Variants in BAZ2B observed in about 807,000 individuals in gnomAD.
BAZ2B encodes the protein bromodomain adjacent to zinc finger domain protein 2B.
Under a neutral mutation model 246.0 loss-of-function variants are expected in BAZ2B, and 91 were observed. The observed-to-expected ratio is 0.37, with a 90% CI of 0.31 to 0.44. BAZ2B has a LOEUF of 0.44. BAZ2B is among the 20% of genes least tolerant of loss of function. The probability of loss-of-function intolerance (pLI) is 1.00; values close to 1 mark genes in which losing one functional copy is unlikely to be tolerated. For synonymous variants in BAZ2B, 855 were observed against 860.0 expected (o/e 0.99, Z 0.10); for missense variants, 2,332 against 2,533.7 (o/e 0.92, Z 1.71).
chr2:159,375,387 A>G (rs542987856), intron 25 of BAZ2B, among the ~76,000 whole-genome samples: 1 of 152,332 alleles, frequency 6.6e-6, no homozygotes, highest in Admixed American at 6.5e-5. Context: ...TTAGCTACTA[A>G]AGAATGGTTA....
chr2:159,574,645 TAAAC>T (rs1684856785), intron 1 of BAZ2B, among the ~76,000 whole-genome samples: 1 of 152,128 alleles, frequency 6.6e-6, no homozygotes, highest in African/African-American at 2.4e-5. Flanking sequence ...AATAAATGGA[TAAAC>T]AAAATATGAC....
chr2:159,604,945 T>TGTGTGTGTGTGTGCGC (rs1346947558), intron 1 of BAZ2B, among the ~76,000 whole-genome samples: 8 of 130,002 alleles, frequency 6.2e-5, no homozygotes, highest in African/African-American at 2.1e-4. Context: ...TGTGTGTGTG[T>TGTGTGTGTGTGTGCGC]GTGTGTGCGC....
At chr2:159,538,129 T>C (rs1559723142) in intron 2 of BAZ2B, among the ~76,000 whole-genome samples, 1 of 152,190 alleles carries the variant, frequency 6.6e-6, no homozygotes, top group Non-Finnish European at 1.5e-5. Flanking sequence ...CTCTGGTTGC[T>C]GAGACTACAG....
chr2:159,407,225 A>C (rs1045859889), intron 14 of BAZ2B, among the ~76,000 whole-genome samples: 2 of 151,940 alleles, frequency 1.3e-5, no homozygotes, highest in East Asian at 3.9e-4. Flanking sequence ...TAATCCCAGC[A>C]CTTTGGGAGG....
At chr2:159,514,860 C>G (rs2083273049) in intron 2 of BAZ2B, among the ~76,000 whole-genome samples, 1 of 152,022 alleles carries the variant, frequency 6.6e-6, no homozygotes, top group Non-Finnish European at 1.5e-5. Flanking sequence ...AATAGAGGCA[C>G]TATTATAACT....
In BAZ2B at chr2:159,581,252, G is replaced by A. The variant is rs183662034; in HGVS notation, c.-45-25387C>T. ...AAAAATCAAACCACCACGTCAAAAA[G>A]TGGACAAAGGATACGAACAGACACT... On this transcript the variant is annotated intron_variant, in intron 1 of 36. Coordinates refer to ENST00000392783, the MANE Select transcript of BAZ2B (RefSeq NM_013450.4). Among the ~76,000 whole-genome samples, 57 of 152,212 alleles carry A rather than the reference G, an allele frequency of 3.7e-4. No individual in the cohort carries two copies. In the East Asian group the frequency reaches 0.011, roughly 29 times the overall value.
At chr2:159,497,263 G>T (rs2151074138) in intron 2 of BAZ2B, among the ~76,000 whole-genome samples, 1 of 152,222 alleles carries the variant, frequency 6.6e-6, no homozygotes, top group East Asian at 1.9e-4. Flanking sequence ...CTACCAGGAA[G>T]AAAAAAGATC....
chr2:159,630,527 T>C, the BAZ2B span, among the ~76,000 whole-genome samples: 2 of 142,794 alleles, frequency 1.4e-5, no homozygotes, highest in African/African-American at 5.4e-5. Context: ...TCACTAACCG[T>C]ATTCTTCTCT....
the BAZ2B span, among the ~76,000 whole-genome samples, chr2:159,666,693 T>C: frequency 6.6e-6 from 1 of 152,034 alleles, no homozygotes; most frequent in African/African-American, 2.4e-5. Context: ...CCGTCTCTAC[T>C]AAAACACAAA....
At chr2:159,452,629 G>A (rs574388103) in intron 4 of BAZ2B, among the ~76,000 whole-genome samples, 1 of 152,142 alleles carries the variant, frequency 6.6e-6, no homozygotes, top group African/African-American at 2.4e-5. Flanking sequence ...TTAATCTATA[G>A]AAAATACATA....
intron 2 of BAZ2B, among the ~76,000 whole-genome samples, chr2:159,515,938 A>G (rs943969429): frequency 1.1e-4 from 16 of 152,086 alleles, no homozygotes; most frequent in Non-Finnish European, 2.1e-4. Flanking sequence ...TTTTTACTAC[A>G]TAAGTTATTT....
intron 1 of BAZ2B, among the ~76,000 whole-genome samples, chr2:159,569,514 C>G (rs1444911683): frequency 6.6e-6 from 1 of 152,096 alleles, no homozygotes; most frequent in Non-Finnish European, 1.5e-5. Context: ...TAAAAAGATA[C>G]AAATATAATA....
chr2:159,502,876 C>CA (rs2151120959), intron 2 of BAZ2B, among the ~76,000 whole-genome samples: 2 of 152,282 alleles, frequency 1.3e-5, no homozygotes, highest in South Asian at 4.1e-4. Context: ...AGTAATCTTG[C>CA]ACCTCCACAT....
chr2:159,666,138 C>T, the BAZ2B span, among the ~76,000 whole-genome samples: 1 of 151,794 alleles, frequency 6.6e-6, no homozygotes, highest in South Asian at 2.1e-4. Context: ...TATATATTTA[C>T]AATATTGTTC....
chr2:159,674,939 A>T, the BAZ2B span, among the ~76,000 whole-genome samples: 1 of 152,238 alleles, frequency 6.6e-6, no homozygotes, highest in Non-Finnish European at 1.5e-5. Context: ...TGTTTGTAAT[A>T]ACATTGGAGC....
the BAZ2B span, among the ~76,000 whole-genome samples, chr2:159,700,539 G>A: frequency 3.9e-5 from 6 of 152,122 alleles, no homozygotes; most frequent in African/African-American, 1.2e-4. Flanking sequence ...TCCGCCTCCC[G>A]GGTTCCAGTG....
upstream of BAZ2B, among the ~76,000 whole-genome samples, chr2:159,618,739 T>C (rs911814898): frequency 3.3e-5 from 5 of 152,128 alleles, no homozygotes; most frequent in African/African-American, 1.2e-4. Flanking sequence ...GTTGAAAATA[T>C]TTAATTTTGA....
chr2:159,542,986 G>A (rs1455829540), intron 2 of BAZ2B, among the ~76,000 whole-genome samples: 1 of 152,066 alleles, frequency 6.6e-6, no homozygotes, highest in Non-Finnish European at 1.5e-5. Context: ...TGTAACTCTG[G>A]GAAAATTCCT....
the BAZ2B span, among the ~76,000 whole-genome samples, chr2:159,682,824 G>A: frequency 6.6e-6 from 1 of 151,826 alleles, no homozygotes; most frequent in East Asian, 1.9e-4. Context: ...TCCAAACACT[G>A]CATTCTCTTG....
Sources: gnomAD v4.1 joint callset for allele counts (sites outside exome capture counted in the v4.1 genomes callset) on GRCh38, gnomAD v4.1.1 for gene constraint, MANE v1.5 for transcripts, NCBI Gene and HGNC (gene_info 2026-07-23, HGNC 2026-07-21) for gene names.